The following NCSTN variants were observed in gnomAD, a reference collection of about 807,000 sequenced individuals.
NCSTN encodes the protein nicastrin.
NCSTN carries 22 observed loss-of-function variants against 87.0 expected under a neutral mutation model. The ratio of observed to expected loss-of-function variants is 0.25; its 90% CI spans 0.18 to 0.36. The LOEUF (loss-of-function observed/expected upper bound fraction) is 0.36. Ranked by LOEUF, NCSTN falls within the 10% of genes least tolerant of loss-of-function variation. NCSTN has a pLI of 1.00. For missense variants in NCSTN, 693 were observed against 883.3 expected (o/e 0.78, Z 2.73); for synonymous variants, 306 against 327.1 (o/e 0.94, Z 0.69).
chr1:160,357,347 C>A, intron 16 of NCSTN, 94 bp downstream of exon 16: 1 of 1,299,222 alleles, frequency 7.7e-7, no homozygotes, highest in Non-Finnish European at 1.1e-6. Context: ...CCCATTTGCC[C>A]CACATTTGTA....
At chr1:160,349,443 A>G in intron 3 of NCSTN, 106 bp from the exon 4 acceptor site, 1 of 1,446,214 alleles carries the variant, frequency 6.9e-7, no homozygotes, top group Non-Finnish European at 9.7e-7. Context: ...AAATAAGTCA[A>G]CAGTTTGATT....
Position 160,356,890 on chromosome 1 carries a change from G to C in NCSTN, c.1794+136G>C, listed in dbSNP as rs929214849. ...ATGCAGTCCTCAGCAATTGGGTGTT[G>C]AAAAGCCTGGGTGAAAATGGACCAT... On this transcript the variant is annotated intron_variant, in intron 15 of 16. Transcript: ENST00000294785. 11 of 1,405,622 alleles carry C rather than the reference G, an allele frequency of 7.8e-6. No individual in the cohort carries two copies. In the African/African-American group the frequency reaches 1.4e-4, roughly 18 times the overall value. 87.1% of individuals were successfully genotyped at this position (1,405,622 alleles called of 1,614,324 possible).
intron 3 of NCSTN, 90 bp downstream of exon 3, chr1:160,349,212 G>C (rs1648696077): frequency 1.3e-6 from 2 of 1,549,756 alleles, no homozygotes; most frequent in Admixed American, 3.5e-5. Flanking sequence ...AACTTCCCTT[G>C]GCTGCCCTGG....
At chr1:160,347,844 A>G (rs187450225) in intron 2 of NCSTN, among the ~76,000 whole-genome samples, 135 of 152,342 alleles carry the variant, frequency 8.9e-4, no homozygotes, top group South Asian at 2.1e-4. Context: ...TCCTGACCTC[A>G]AGTGATCCAC....
intron 2 of NCSTN, 94 bp from the exon 3 acceptor site, chr1:160,348,905 C>T: frequency 6.4e-7 from 1 of 1,552,702 alleles, no homozygotes; most frequent in Non-Finnish European, 8.9e-7. Flanking sequence ...TATGTTGTGA[C>T]ATCTTTAGGG....
chr1:160,350,859 G>C (rs934841197), intron 5 of NCSTN, among the ~76,000 whole-genome samples: 1 of 152,134 alleles, frequency 6.6e-6, no homozygotes, highest in Non-Finnish European at 1.5e-5. Flanking sequence ...GTTGTATGGT[G>C]AGTTGATCTC....
At chr1:160,345,229 G>T in intron 2 of NCSTN, 1 of 300,800 alleles carries the variant, frequency 3.3e-6, no homozygotes, top group East Asian at 9.2e-5. Flanking sequence ...TTTCACTCTT[G>T]TCCCCCAGGC....
Position 160,353,011 on chromosome 1 carries a change from G to A in NCSTN, c.1101+20G>A. 1 of 1,603,880 alleles carries A rather than the reference G, an allele frequency of 6.2e-7. No homozygotes were observed. Among genetic ancestry groups the A allele is most frequent in the Non-Finnish European group, 8.5e-7 (1 of 1,170,822 alleles). On this transcript the variant is annotated intron_variant, in intron 9 of 16. Transcript: ENST00000294785. ...GGACAGGTATGTGGCATGTCCCCCA[G>A]CCCCTTCCTTTTTAATTAAATCTTC...
At chr1:160,354,467 C>T (rs1050665952) in intron 11 of NCSTN, among the ~76,000 whole-genome samples, 177 bp downstream of exon 11, 1 of 152,190 alleles carries the variant, frequency 6.6e-6, no homozygotes, top group Non-Finnish European at 1.5e-5. Context: ...ATTTGTTTGA[C>T]TGGATATTCA....
In NCSTN at chr1:160,343,415, G is replaced by C; in HGVS notation, c.19G>C (p.Gly7Arg). 1 of 1,612,868 alleles carries C rather than the reference G, an allele frequency of 6.2e-7. No individual in the cohort carries two copies. Among genetic ancestry groups the C allele is most frequent in the Non-Finnish European group, 8.5e-7 (1 of 1,179,754 alleles). The change falls in exon 1 of 17, where the codon GGC becomes CGC. Residue 7 changes from glycine to arginine, a missense_variant. Physicochemically the swap from Gly to Arg is moderately radical, Grantham distance 125 (BLOSUM62 -2). This residue lies in a region of NCSTN where 235 missense variants were observed against 233.9 expected (regional missense o/e 1.00). Transcript: ENST00000294785. MATAGGGSGADPGSRGL... is the reference protein window; with the variant it reads MATAGGRSGADPGSRGL... ...AGGCAAGATGGCTACGGCAGGGGGT[G>C]GCTCTGGGGCTGACCCGGGAAGTCG...
At chr1:160,353,834 A>G in intron 10 of NCSTN, 1 of 664,660 alleles carries the variant, frequency 1.5e-6, no homozygotes, top group Non-Finnish European at 1.9e-6. Context: ...TGAAGCATCC[A>G]CTGAGGATAA....
intron 5 of NCSTN, 101 bp downstream of exon 5, chr1:160,350,351 C>A: frequency 7.2e-7 from 1 of 1,388,232 alleles, no homozygotes; most frequent in Non-Finnish European, 1.0e-6. Context: ...ACCCGGGAGG[C>A]TGAGACAGGA....
chr1:160,347,696 G>A (rs760593547), intron 2 of NCSTN, among the ~76,000 whole-genome samples: 16 of 152,048 alleles, frequency 1.1e-4, no homozygotes, highest in African/African-American at 1.2e-4. Flanking sequence ...TGCAGCCTCC[G>A]CCTCCCAGGT....
chr1:160,343,471 C>A lies in NCSTN; in HGVS notation c.75C>A (p.Val25=). The A allele has an allele frequency of 3.1e-6, 5 of 1,609,770 alleles. No individual in the cohort carries two copies. The highest frequency in any genetic ancestry group is 4.2e-6 in the Non-Finnish European group (5 of 1,178,570). ...TCCTTCGCCTTCTGTCTTTCTGCGT[C>A]CTACTAGCAGGTGAGGCCTCCCCGC... ...RGLLRLLSFC[V]LLAGLCRGNS... is the part of the protein sequence containing the mutation. The change falls in exon 1 of 17, where the codon GTC becomes GTA. Residue 25 remains valine (V), a synonymous_variant. Transcript: ENST00000294785.
intron 3 of NCSTN, among the ~76,000 whole-genome samples, 187 bp downstream of exon 3, chr1:160,349,309 C>T (rs1648703305): frequency 6.6e-6 from 1 of 152,166 alleles, no homozygotes; most frequent in Non-Finnish European, 1.5e-5. Flanking sequence ...CTAAATTTCA[C>T]CTACCTGTCC....
chr1:160,350,344 C>A, intron 5 of NCSTN, 94 bp downstream of exon 5: 1 of 1,444,348 alleles, frequency 6.9e-7, no homozygotes, highest in Non-Finnish European at 9.6e-7. Flanking sequence ...CCCAGCCACC[C>A]GGGAGGCTGA....
In NCSTN at chr1:160,353,201, T is replaced by A; in HGVS notation, c.1143T>A (p.Asp381Glu). The change falls in exon 10 of 17, where the codon GAT becomes GAA. Residue 381 changes from aspartate to glutamate, a missense_variant. By Grantham distance (45) the Asp-to-Glu change is conservative. Transcript: ENST00000294785. ...CATTAGAGCTTTGGATGCACACAGA[T>A]CCTGTTTCTCAGAAAAATGAGTCTG... ...RTSLELWMHTDPVSQKNESVR... is the reference protein window; with the variant it reads ...RTSLELWMHTEPVSQKNESVR... The A allele has an allele frequency of 6.2e-7, 1 of 1,614,132 alleles. No homozygotes were observed. Among genetic ancestry groups the A allele is most frequent in the Non-Finnish European group, 8.5e-7 (1 of 1,180,006 alleles).
At chr1:160,345,472 C>T (rs954044099) in intron 2 of NCSTN, among the ~76,000 whole-genome samples, 10 of 151,996 alleles carry the variant, frequency 6.6e-5, no homozygotes, top group Admixed American at 2.6e-4. Context: ...GGATTACAGG[C>T]GTGAGCCACC....
At chr1:160,357,352 T>G in intron 16 of NCSTN, 99 bp downstream of exon 16, 1 of 1,273,022 alleles carries the variant, frequency 7.9e-7, no homozygotes, top group Non-Finnish European at 1.1e-6. Context: ...TTGCCCCACA[T>G]TTGTAGCAAA....
Sources: allele counts gnomAD v4.1 joint callset (sites outside exome capture counted in the v4.1 genomes callset), GRCh38; gene constraint gnomAD v4.1.1; regional missense constraint gnomAD v4.1.1; transcripts MANE v1.5; gene names NCBI Gene and HGNC (gene_info 2026-07-23, HGNC 2026-07-21).